TMC5: variants seen among roughly 807,000 people sequenced by gnomAD.
TMC5 encodes the protein transmembrane channel-like protein 5.
TMC5 carries 86 observed loss-of-function variants against 110.5 expected under a neutral mutation model. The ratio of observed to expected loss-of-function variants is 0.78; its 90% CI spans 0.65 to 0.93. The LOEUF (loss-of-function observed/expected upper bound fraction) is 0.93, where lower values mean the gene tolerates loss of function less well. Ranked by LOEUF, TMC5 falls within the 40% of genes least tolerant of loss-of-function variation. The probability of loss-of-function intolerance (pLI) is 0.00; values close to 1 mark genes in which losing one functional copy is unlikely to be tolerated. For missense variants in TMC5, 1,144 were observed against 1,222.8 expected, an observed-to-expected ratio of 0.94 and a Z score of 0.96; for synonymous variants, 455 against 439.5, an observed-to-expected ratio of 1.04 and a Z score of -0.44.
At chr16:19,451,040 G>T (rs1201402271) in intron 5 of TMC5, among the ~76,000 whole-genome samples, 2 of 152,062 alleles carry the variant, frequency 1.3e-5, no homozygotes, top group Non-Finnish European at 2.9e-5. Context: ...AGACCGAGGC[G>T]GTAGGATTGC....
chr16:19,440,019 G>C lies in TMC5; in HGVS notation c.-20G>C, dbSNP rs533587466. On this transcript the variant is annotated 5_prime_UTR_variant, in exon 3 of 22. Transcript: ENST00000542583. The stretch of plus-strand genomic sequence containing the variant: ...ATGCTGGGACAGTTTACCACTCCAG[G>C]GTGAAGAGTCCATACCAACATGTCT... The C allele has an allele frequency of 2.5e-6, 4 of 1,594,668 alleles. No individual in the cohort carries two copies. The South Asian group carries it at 4.5e-5, about 18-fold the overall frequency.
Position 19,440,914 on chromosome 16 carries a change from T to C in TMC5, c.788+88T>C, listed in dbSNP as rs73538021. On this transcript the variant is annotated intron_variant, in intron 3 of 21. Transcript: ENST00000542583. The stretch of plus-strand genomic sequence containing the variant: ...TGGAATTTGGTTGGTGTGGTTTAGA[T>C]TAGGGATATATATGACGGTTTCTAT... 2.5e-3 allele frequency: 3,391 copies of C among 1,344,248 alleles called. 54 individuals carry two copies. The African/African-American group carries it at 0.038, about 15-fold the overall frequency. 83.3% of individuals were successfully genotyped at this position (1,344,248 alleles called of 1,614,324 possible). A position where few individuals can be genotyped will look rare whatever the true frequency, so the allele number is the denominator to read the frequency against.
At chr16:19,457,552 T>A (rs1050686362) in intron 5 of TMC5, among the ~76,000 whole-genome samples, 2 of 151,920 alleles carry the variant, frequency 1.3e-5, no homozygotes, top group Non-Finnish European at 2.9e-5. Context: ...AGCACCTGCT[T>A]TTTGTTATCC....
At chr16:19,419,042 TTGA>T (rs1343003053) in intron 1 of TMC5, among the ~76,000 whole-genome samples, 1 of 152,156 alleles carries the variant, frequency 6.6e-6, no homozygotes, top group Non-Finnish European at 1.5e-5. Context: ...AATGATGTTG[TTGA>T]TGATGATGAT....
chr16:19,465,041 TTC>T (rs1968134360), intron 8 of TMC5, among the ~76,000 whole-genome samples: 2 of 103,542 alleles, frequency 1.9e-5, no homozygotes, highest in African/African-American at 9.5e-5. Context: ...CTTTCTTTCT[TTC>T]TTTCTTTCTT....
chr16:19,488,636 CCT>C (rs1968810390), intron 17 of TMC5, among the ~76,000 whole-genome samples: 1 of 152,084 alleles, frequency 6.6e-6, no homozygotes. Context: ...TCCTCTCCAC[CCT>C]CTGATTCTCA....
rs761356076 is a variant in TMC5 at position 19,448,863 on chromosome 16, CT to C, written c.959-663del. Among the ~76,000 whole-genome samples, 622 of 128,138 alleles carry C rather than the reference CT, an allele frequency of 4.9e-3. 4 individuals are homozygous for C. Among genetic ancestry groups the C allele is most frequent in the African/African-American group, 0.016 (557 of 35,130 alleles). The allele number at this position is 128,138 out of a possible 152,430, so 84.1% of individuals were successfully genotyped here. On this transcript the variant is annotated intron_variant, in intron 4 of 21. Coordinates refer to ENST00000542583, the MANE Select transcript of TMC5 (RefSeq NM_001261841.2). The stretch of plus-strand genomic sequence containing the variant: ...TCATGTAGTTTATATGTATTTTTTT[CT>C]TTTTTTTTTTTTTTTGAGTCAGAGT...
At chr16:19,438,435 G>GAAAGAAAGAAAGAA (rs376582005) in intron 2 of TMC5, among the ~76,000 whole-genome samples, 111 of 103,862 alleles carry the variant, frequency 1.1e-3, no homozygotes, top group African/African-American at 3.4e-3. Context: ...AAGAAAGAAA[G>GAAAGAAAGAAAGAA]AGAAAGAAAG....
chr16:19,442,630 A>G (rs1967516701), intron 3 of TMC5, among the ~76,000 whole-genome samples: 1 of 152,142 alleles, frequency 6.6e-6, no homozygotes, highest in Non-Finnish European at 1.5e-5. Flanking sequence ...TGCCCAGTCT[A>G]AGATGTGATT....
At chr16:19,439,363 C>G (rs1967427447) in intron 2 of TMC5, among the ~76,000 whole-genome samples, 1 of 152,130 alleles carries the variant, frequency 6.6e-6, no homozygotes, top group Non-Finnish European at 1.5e-5. Flanking sequence ...GCTTTGAACC[C>G]TAGAACCTCA....
At position 19,449,191 on chromosome 16, in the gene TMC5, G is replaced by A. The variant is rs540660904; in HGVS notation, c.959-351G>A. ...TTTAGAGACAGGGTCTCATTATGTT[G>A]CCCAGGATGGTCTTGAACTTTTGGG... On this transcript the variant is annotated intron_variant, in intron 4 of 21. Transcript: ENST00000542583. 3.3e-5 allele frequency among the ~76,000 whole-genome samples: 5 copies of A among 152,104 alleles called. No individual in the cohort carries two copies. The East Asian group carries it at 9.7e-4, about 29-fold the overall frequency.
chr16:19,472,532 C>T (rs543647529), intron 11 of TMC5, among the ~76,000 whole-genome samples: 25 of 152,224 alleles, frequency 1.6e-4, no homozygotes, highest in African/African-American at 4.8e-4. Context: ...TAGCCTGTCA[C>T]GGTGGTGTGC....
Position 19,469,703 on chromosome 16 carries a change from A to C in TMC5, c.1660A>C (p.Asn554His). 6.2e-7 allele frequency: 1 copy of C among 1,614,084 alleles called. No homozygotes were observed. Among genetic ancestry groups the C allele is most frequent in the Non-Finnish European group, 8.5e-7 (1 of 1,179,956 alleles). The change falls in exon 10 of 22, where the codon AAC becomes CAC. Residue 554 changes from asparagine to histidine, a missense_variant. Transcript: ENST00000542583. Reference sequence around the variant, plus strand: ...TAGCATGGCCAAGTATTTCCGGAACAACTTCATTAATCCCCACATTTACTC... The same window carrying C: ...TAGCATGGCCAAGTATTTCCGGAACCACTTCATTAATCCCCACATTTACTC... ...LFSMAKYFRN[N>H]FINPHIYSGG...
intron 4 of TMC5, among the ~76,000 whole-genome samples, chr16:19,448,863 CTTTT>C (rs761356076): frequency 7.8e-6 from 1 of 128,184 alleles, no homozygotes; most frequent in East Asian, 2.2e-4. Flanking sequence ...GTATTTTTTT[CTTTT>C]TTTTTTTTTT....
At chr16:19,456,400 A>G (rs1275701075) in intron 5 of TMC5, 4 of 970,758 alleles carry the variant, frequency 4.1e-6, no homozygotes, top group Non-Finnish European at 3.8e-6. Flanking sequence ...CTAGAATCCC[A>G]TTGTCTTAAA....
At chr16:19,483,893 A>G (rs1206557334) in intron 15 of TMC5, among the ~76,000 whole-genome samples, 1 of 152,166 alleles carries the variant, frequency 6.6e-6, no homozygotes, top group Non-Finnish European at 1.5e-5. Context: ...CCTGGCCAAC[A>G]TGGCAAAAAC....
chr16:19,445,126 TAAAAAC>T (rs755462026), intron 4 of TMC5, among the ~76,000 whole-genome samples: 7 of 152,036 alleles, frequency 4.6e-5, no homozygotes, highest in Non-Finnish European at 1.0e-4. Context: ...GAGACTCTGT[TAAAAAC>T]AAACAAAAAA....
intron 1 of TMC5, among the ~76,000 whole-genome samples, chr16:19,428,096 A>G (rs1967123009): frequency 1.3e-5 from 2 of 152,200 alleles, no homozygotes; most frequent in South Asian, 4.1e-4. Flanking sequence ...GGTTTAGTCC[A>G]TGAACTTCCT....
rs773829696 is a variant in TMC5 at position 19,456,789 on chromosome 16, AT to A, written c.1049-3445del. The stretch of plus-strand genomic sequence containing the variant: ...GGGGTCCAAAGCCACCCATCCTCAA[AT>A]CAGATTTTTCAAGAAAAGGTGCTGC... On this transcript the variant is annotated intron_variant, in intron 5 of 21. Coordinates refer to ENST00000542583, the MANE Select transcript of TMC5 (RefSeq NM_001261841.2). 3.1e-6 allele frequency: 5 copies of A among 1,614,166 alleles called. No homozygotes were observed. The Admixed American group carries it at 6.7e-5, about 22-fold the overall frequency.
Sources: gnomAD v4.1 joint callset for allele counts (sites outside exome capture counted in the v4.1 genomes callset) on GRCh38, gnomAD v4.1.1 for gene constraint, MANE v1.5 for transcripts, NCBI Gene and HGNC (gene_info 2026-07-23, HGNC 2026-07-21) for gene names.